The following MAP4K5 variants were observed in gnomAD, a reference collection of about 807,000 sequenced individuals.
The protein encoded by MAP4K5 is mitogen-activated protein kinase kinase kinase kinase 5.
A neutral mutation model predicts 135.6 loss-of-function variants in MAP4K5; 82 were observed. The ratio of observed to expected loss-of-function variants is 0.60; its 90% CI spans 0.51 to 0.73. MAP4K5 has a LOEUF of 0.73. Ranked by LOEUF, MAP4K5 falls within the 30% of genes least tolerant of loss-of-function variation. The probability of loss-of-function intolerance (pLI) is 0.00; values close to 1 mark genes in which losing one functional copy is unlikely to be tolerated. For synonymous variants in MAP4K5, 347 were observed against 335.0 expected, an observed-to-expected ratio of 1.04 and a Z score of -0.39; for missense variants, 907 against 1,010.9, an observed-to-expected ratio of 0.90 and a Z score of 1.39.
chr14:50,420,913 A>T (rs2035715273), intron 32 of MAP4K5, among the ~76,000 whole-genome samples: 1 of 152,072 alleles, frequency 6.6e-6, no homozygotes, highest in South Asian at 2.1e-4. Context: ...ACTATTCCAA[A>T]CATTTTAGTT....
At chr14:50,526,213 C>T (rs375092801) in intron 2 of MAP4K5, among the ~76,000 whole-genome samples, 40 of 152,318 alleles carry the variant, frequency 2.6e-4, no homozygotes, top group East Asian at 2.1e-3. Context: ...TTCCTTCATC[C>T]CCAATAAAGG....
In MAP4K5 at chr14:50,456,585, T is replaced by G. The variant is rs370229234; in HGVS notation, c.946A>C (p.Ile316Leu). ...GTAGATCTAATGGTATGACGAATGA[T>G]TGCATGGGGCTGTGAATATAAGCAT... Reference protein sequence around the residue: ...ADDDDFEPHAIIRHTIRSTNR... With the variant: ...ADDDDFEPHALIRHTIRSTNR... The change falls in exon 14 of 33, where the codon ATC (isoleucine) becomes CTC (leucine). Residue 316 changes from isoleucine (I) to leucine (L), a missense_variant. Around this residue, in one of 3 missense-constraint regions of MAP4K5, gnomAD observed 690 missense variants for 777.4 expected, o/e 0.89. Transcript: ENST00000682126. The G allele has an allele frequency of 6.4e-7, 1 of 1,570,688 alleles. No homozygotes were observed.
At chr14:50,501,736 T>G (rs1284598833) in intron 3 of MAP4K5, among the ~76,000 whole-genome samples, 1 of 152,120 alleles carries the variant, frequency 6.6e-6, no homozygotes, top group African/African-American at 2.4e-5. Flanking sequence ...TCAAAGATCA[T>G]TAAGGGAGTG....
chr14:50,476,262 G>T lies in MAP4K5; in HGVS notation c.423C>A (p.Ile141=). 6.7e-7 allele frequency: 1 copy of T among 1,493,098 alleles called. No homozygotes were observed. The highest frequency in any genetic ancestry group is 1.3e-5 in the South Asian group (1 of 74,684). 92.5% of individuals were successfully genotyped at this position (1,493,098 alleles called of 1,614,324 possible). The stretch of plus-strand genomic sequence containing the variant: ...TAAATGTATTAAATGAACTTACTTT[G>T]ATATCTCTATGCATTTTGCCTTTAG... ...LHTKGKMHRD[I]KGANILLTDH... is the part of the protein sequence containing the mutation. The change falls in exon 7 of 33, where the codon ATC becomes ATA. Residue 141 remains isoleucine (I), a synonymous_variant. Transcript: ENST00000682126.
At chr14:50,438,992 C>T (rs1394813279) in intron 23 of MAP4K5, among the ~76,000 whole-genome samples, 1 of 151,984 alleles carries the variant, frequency 6.6e-6, no homozygotes, top group South Asian at 2.1e-4. Context: ...TCAACTCAAA[C>T]AGAATTGGCT....
intron 2 of MAP4K5, among the ~76,000 whole-genome samples, chr14:50,509,480 C>A (rs1214406804): frequency 6.6e-6 from 1 of 152,144 alleles, no homozygotes; most frequent in Non-Finnish European, 1.5e-5. Context: ...TCCTCTTTCA[C>A]ATTAAATTTC....
At chr14:50,544,463 TG>T (rs1436008948) in intron 1 of MAP4K5, among the ~76,000 whole-genome samples, 1 of 152,216 alleles carries the variant, frequency 6.6e-6, no homozygotes, top group African/African-American at 2.4e-5. Flanking sequence ...TGGACAATTC[TG>T]GACAATGACA....
chr14:50,545,614 A>G (rs1015465020), intron 1 of MAP4K5, among the ~76,000 whole-genome samples: 5 of 152,210 alleles, frequency 3.3e-5, no homozygotes, highest in African/African-American at 1.2e-4. Flanking sequence ...CTGTGGTAAG[A>G]CTGGCTACTG....
At chr14:50,508,638 T>C (rs1041853097) in intron 2 of MAP4K5, among the ~76,000 whole-genome samples, 3 of 151,804 alleles carry the variant, frequency 2.0e-5, no homozygotes, top group Admixed American at 6.6e-5. Flanking sequence ...ATGGGTGCAG[T>C]ACACCAACAT....
Position 50,544,936 on chromosome 14 carries a change from C to CA in MAP4K5, c.-179-2353dup, listed in dbSNP as rs35420627. On this transcript the variant is annotated intron_variant, in intron 1 of 8. Transcript: ENST00000555216. ...TGAGTGACAGAGTGAGACCCACTCTCAAAAAAAAAAAAAAAAAAAAAAAAA... is the reference window on the plus strand; with the variant it reads ...TGAGTGACAGAGTGAGACCCACTCTCAAAAAAAAAAAAAAAAAAAAAAAAAA... Among the ~76,000 whole-genome samples, 416 of 58,382 alleles carry CA rather than the reference C, an allele frequency of 7.1e-3. 9 individuals are homozygous for CA. The highest frequency in any genetic ancestry group is 0.011 in the East Asian group (18 of 1,618). 38.3% of individuals were successfully genotyped at this position (58,382 alleles called of 152,430 possible).
Position 50,532,153 on chromosome 14 carries a change from C to T in MAP4K5, c.-104G>A. On this transcript the variant is annotated 5_prime_UTR_variant, in exon 2 of 33. Transcript: ENST00000682126. ...CCCAACATGGAGCCTCCGCCCGCAGCTCCGTCTGCACGAGGGACGAGCAAA... is the reference window on the plus strand; with the variant it reads ...CCCAACATGGAGCCTCCGCCCGCAGTTCCGTCTGCACGAGGGACGAGCAAA... 2.8e-6 allele frequency: 2 copies of T among 713,560 alleles called. No homozygotes were observed. Among genetic ancestry groups the T allele is most frequent in the Admixed American group, 5.0e-5 (2 of 39,654 alleles). 44.2% of individuals were successfully genotyped at this position (713,560 alleles called of 1,614,324 possible).
intron 26 of MAP4K5, among the ~76,000 whole-genome samples, chr14:50,436,287 G>A (rs1354446006): frequency 6.6e-6 from 1 of 152,140 alleles, no homozygotes; most frequent in African/African-American, 2.4e-5. Flanking sequence ...TCTGGTCTCT[G>A]TCCTGCTTCT....
intron 2 of MAP4K5, among the ~76,000 whole-genome samples, chr14:50,519,786 G>C (rs989761947): frequency 9.2e-5 from 14 of 152,114 alleles, no homozygotes; most frequent in African/African-American, 3.4e-4. Context: ...CAAACATATA[G>C]GAAGGTGAGT....
chr14:50,490,498 C>G (rs1414863033), intron 3 of MAP4K5, among the ~76,000 whole-genome samples: 2 of 152,166 alleles, frequency 1.3e-5, no homozygotes, highest in African/African-American at 4.8e-5. Context: ...GAGCAATGAT[C>G]ACAGCCTCCA....
At chr14:50,488,709 G>A (rs1275516118) in intron 3 of MAP4K5, among the ~76,000 whole-genome samples, 1 of 152,222 alleles carries the variant, frequency 6.6e-6, no homozygotes, top group Non-Finnish European at 1.5e-5. Context: ...GGCAAGGTGA[G>A]GTCTTGGTGA....
At chr14:50,441,637 G>C (rs2036227882) in intron 21 of MAP4K5, among the ~76,000 whole-genome samples, 1 of 151,824 alleles carries the variant, frequency 6.6e-6, no homozygotes, top group Non-Finnish European at 1.5e-5. Flanking sequence ...GAGGCACGAG[G>C]ATTGCCCAAG....
At chr14:50,430,266 A>G (rs1193537183) in intron 28 of MAP4K5, among the ~76,000 whole-genome samples, 2 of 152,212 alleles carry the variant, frequency 1.3e-5, no homozygotes, top group Admixed American at 6.5e-5. Context: ...AGAACTTTTA[A>G]GAGTTAAACA....
At chr14:50,437,230 C>G (rs980292929) in intron 26 of MAP4K5, among the ~76,000 whole-genome samples, 1 of 152,054 alleles carries the variant, frequency 6.6e-6, no homozygotes, top group Non-Finnish European at 1.5e-5. Context: ...AAGATACAGC[C>G]TCAGGGACTA....
At chr14:50,473,956 C>A (rs922964629) in intron 9 of MAP4K5, among the ~76,000 whole-genome samples, 20 of 152,008 alleles carry the variant, frequency 1.3e-4, no homozygotes, top group Non-Finnish European at 2.5e-4. Context: ...GATCTCCTGA[C>A]CTCTTGATCC....
Sources: gnomAD v4.1 joint callset for allele counts (sites outside exome capture counted in the v4.1 genomes callset) on GRCh38, gnomAD v4.1.1 for gene constraint, gnomAD v4.1.1 regional missense constraint, MANE v1.5 for transcripts, NCBI Gene and HGNC (gene_info 2026-07-23, HGNC 2026-07-21) for gene names.